The following PPP2R5C variants were observed in gnomAD, a reference collection of about 807,000 sequenced individuals.
PPP2R5C encodes serine/threonine-protein phosphatase 2A 56 kDa regulatory subunit gamma isoform.
PPP2R5C carries 7 observed loss-of-function variants against 68.9 expected under a neutral mutation model. The observed-to-expected ratio is 0.10, with a 90% confidence interval of 0.06 to 0.19. PPP2R5C has a LOEUF of 0.19. Ranked by LOEUF, PPP2R5C falls within the 10% of genes least tolerant of loss-of-function variation. PPP2R5C has a pLI of 1.00. For missense variants in PPP2R5C, 348 were observed against 641.3 expected (o/e 0.54, Z 4.94); for synonymous variants, 210 against 222.2 (o/e 0.95, Z 0.49).
intron 1 of PPP2R5C, among the ~76,000 whole-genome samples, chr14:101,829,905 C>G: frequency 6.6e-6 from 1 of 151,964 alleles, no homozygotes; most frequent in Non-Finnish European, 1.5e-5. Flanking sequence ...AATGTTCACT[C>G]CTAGGGACCG....
intron 1 of PPP2R5C, among the ~76,000 whole-genome samples, chr14:101,816,929 T>C (rs939216855): frequency 7.0e-6 from 1 of 141,944 alleles, no homozygotes; most frequent in Non-Finnish European, 1.5e-5. Context: ...ATTTATATAA[T>C]ATATATAATA....
rs11356006 is a variant in PPP2R5C at position 101,786,716 on chromosome 14, CA to C, written c.259+536del. Reference sequence around the variant, plus strand: ...GTGCTCTTTACTTTGAATTTCCCCCCAAATGACACAGCCATCTCTTTCCATC... The same window carrying C: ...GTGCTCTTTACTTTGAATTTCCCCCCAATGACACAGCCATCTCTTTCCATC... On this transcript the variant is annotated intron_variant, in intron 3 of 14. Transcript: ENST00000328724. Among the ~76,000 whole-genome samples the C allele has an allele frequency of 4.7e-3, 721 of 152,220 alleles. 4 individuals carry two copies. The highest frequency in any genetic ancestry group is 0.016 in the African/African-American group (682 of 41,534).
intron 9 of PPP2R5C, among the ~76,000 whole-genome samples, chr14:101,903,781 T>G (rs2045859881): frequency 6.6e-6 from 1 of 152,054 alleles, no homozygotes; most frequent in Admixed American, 6.5e-5. Flanking sequence ...GTTCAAGTGA[T>G]TCTCCTGCCT....
chr14:101,824,045 C>G (rs905911448), intron 1 of PPP2R5C: 2 of 1,288,996 alleles, frequency 1.6e-6, no homozygotes, highest in African/African-American at 3.0e-5. Flanking sequence ...TGGCACAGCC[C>G]CAGAGCTCCT....
intron 2 of PPP2R5C, among the ~76,000 whole-genome samples, chr14:101,777,087 G>T (rs1458255628): frequency 6.6e-6 from 1 of 151,870 alleles, no homozygotes; most frequent in East Asian, 1.9e-4. Context: ...CACCATGTTG[G>T]CCAGGATGGT....
intron 1 of PPP2R5C, among the ~76,000 whole-genome samples, chr14:101,817,616 G>A (rs911057792): frequency 6.6e-6 from 1 of 152,056 alleles, no homozygotes; most frequent in African/African-American, 2.4e-5. Context: ...AGTTTCCTCC[G>A]CACTTTAAGA....
intron 13 of PPP2R5C, among the ~76,000 whole-genome samples, chr14:101,919,862 G>C (rs1279407697): frequency 6.6e-6 from 1 of 151,744 alleles, no homozygotes; most frequent in Admixed American, 6.6e-5. Context: ...CCAACTACTT[G>C]GGAGGCTGAG....
At chr14:101,792,240 A>G (rs1220459560) in intron 3 of PPP2R5C, among the ~76,000 whole-genome samples, 1 of 152,260 alleles carries the variant, frequency 6.6e-6, no homozygotes, top group Non-Finnish European at 1.5e-5. Flanking sequence ...TTTCAGTTTT[A>G]CTAGTGAATT....
chr14:101,909,536 A>T, intron 10 of PPP2R5C, 53 bp from the exon 13 acceptor site: 1 of 1,274,430 alleles, frequency 7.8e-7, no homozygotes, highest in Non-Finnish European at 1.1e-6. Context: ...TGGAGAGGCG[A>T]GGGCTCAGCA....
chr14:101,925,677 C>A, exon 14 of PPP2R5C: 1 of 156,612 alleles, frequency 6.4e-6, no homozygotes, highest in Non-Finnish European at 1.4e-5. Context: ...AAAATAGGAC[C>A]TATTTTTTAA....
chr14:101,894,809 T>C (rs953847423), intron 8 of PPP2R5C, among the ~76,000 whole-genome samples: 1 of 152,220 alleles, frequency 6.6e-6, no homozygotes, highest in African/African-American at 2.4e-5. Flanking sequence ...TGCACTTTAC[T>C]GTTTGAACGT....
chr14:101,867,394 G>C (rs1177737373), intron 2 of PPP2R5C, among the ~76,000 whole-genome samples: 1 of 151,966 alleles, frequency 6.6e-6, no homozygotes, highest in Non-Finnish European at 1.5e-5. Flanking sequence ...GGGCAACAGA[G>C]CAAGACTCTG....
intron 5 of PPP2R5C, among the ~76,000 whole-genome samples, chr14:101,889,234 G>A (rs760262602): frequency 3.3e-5 from 5 of 152,076 alleles, no homozygotes; most frequent in African/African-American, 4.8e-5. Flanking sequence ...GGCTTAGAGC[G>A]GTCTCTAATC....
intron 8 of PPP2R5C, among the ~76,000 whole-genome samples, 168 bp downstream of exon 10, chr14:101,894,728 G>A (rs543294351): frequency 5.3e-5 from 8 of 152,294 alleles, no homozygotes; most frequent in Admixed American, 2.6e-4. Context: ...TCAAAGTATA[G>A]TCATTTTAAT....
Position 101,797,070 on chromosome 14 carries a change from C to T in PPP2R5C, c.259+10887C>T. The T allele has an allele frequency of 2.3e-6, 1 of 442,104 alleles. No homozygotes were observed. Among genetic ancestry groups the T allele is most frequent in the Non-Finnish European group, 4.6e-6 (1 of 218,466 alleles). The allele number at this position is 442,104 out of a possible 1,614,324, so 27.4% of individuals were successfully genotyped here. ...TTTTCATCATCCCCAACAAAAACTC[C>T]ATTAAACAGTAAGTGGCTGTCTCCC... On this transcript the variant is annotated intron_variant, in intron 3 of 14. Transcript: ENST00000328724. This position sits in a 1 kb window ranked among gnomAD's most constrained non-coding sequence, Gnocchi z 4.2.
chr14:101,897,438 C>CCA (rs1434138864), intron 8 of PPP2R5C, among the ~76,000 whole-genome samples: 1 of 149,136 alleles, frequency 6.7e-6, no homozygotes, highest in Non-Finnish European at 1.5e-5. Context: ...CTCGCTCTGT[C>CCA]ACCCAGGTCC....
intron 1 of PPP2R5C, chr14:101,810,169 A>C (rs1357155717): frequency 3.6e-6 from 3 of 825,798 alleles, no homozygotes; most frequent in Non-Finnish European, 5.7e-6. Flanking sequence ...ACTTAACCAG[A>C]GGAGGTTGGG....
rs1352034506 is a variant in PPP2R5C at position 101,906,463 on chromosome 14, A to G, written c.1085A>G (p.Asn362Ser). 2.5e-6 allele frequency: 4 copies of G among 1,613,664 alleles called. No individual in the cohort carries two copies. The highest frequency in any genetic ancestry group is 3.4e-6 in the Non-Finnish European group (4 of 1,179,862). ...TACATCATGAGTTTAATCAGTGACA[A>G]CGCAGCGAAGATTCTGCCCATCATG... The change falls in exon 10 of 14, where the codon AAC (asparagine) becomes AGC (serine). Residue 362 changes from asparagine to serine, a missense_variant. Coordinates refer to ENST00000334743, the Ensembl canonical transcript of PPP2R5C. This position sits in a 1 kb window ranked among gnomAD's most constrained non-coding sequence, Gnocchi z 4.0.
chr14:101,910,389 ATGTGTGTATCTATG>A (rs1305142758), intron 11 of PPP2R5C, among the ~76,000 whole-genome samples: 1 of 143,240 alleles, frequency 7.0e-6, no homozygotes, highest in Non-Finnish European at 1.5e-5. Context: ...CTGTATACAT[ATGTGTGTATCTATG>A]TGTGTGTGTG....
Sources: allele counts gnomAD v4.1 joint callset (sites outside exome capture counted in the v4.1 genomes callset), GRCh38; gene constraint gnomAD v4.1.1; non-coding constraint Gnocchi (gnomAD v3.1); transcripts MANE v1.5; gene names NCBI Gene and HGNC (gene_info 2026-07-23, HGNC 2026-07-21).